USP31: variants seen among roughly 807,000 people sequenced by gnomAD.
The protein encoded by USP31 is ubiquitin specific peptidase 31.
A neutral mutation model predicts 119.4 loss-of-function variants in USP31; 44 were observed. That is an observed-to-expected ratio of 0.37 (90% CI 0.29 to 0.47). The LOEUF (loss-of-function observed/expected upper bound fraction) is 0.47, where lower values mean the gene tolerates loss of function less well. Ranked by LOEUF, USP31 falls within the 20% of genes least tolerant of loss-of-function variation. The probability of loss-of-function intolerance (pLI) is 0.99; values close to 1 mark genes in which losing one functional copy is unlikely to be tolerated. For synonymous variants in USP31, 749 were observed against 705.6 expected (o/e 1.06, Z -0.97); for missense variants, 1,643 against 1,730.2 (o/e 0.95, Z 0.89).
At chr16:23,122,138 C>T (rs1902691556) in intron 1 of USP31, among the ~76,000 whole-genome samples, 1 of 152,144 alleles carries the variant, frequency 6.6e-6, no homozygotes, top group Non-Finnish European at 1.5e-5. Context: ...CATATATTTT[C>T]CATGTTTTCT....
At chr16:23,069,854 T>C (rs1431367975) in intron 15 of USP31, among the ~76,000 whole-genome samples, 1 of 152,214 alleles carries the variant, frequency 6.6e-6, no homozygotes, top group Non-Finnish European at 1.5e-5. Context: ...AGCAAACTTC[T>C]ATTCGCCTCC....
At chr16:23,086,001 A>G (rs1356389035) in intron 9 of USP31, among the ~76,000 whole-genome samples, 2 of 152,046 alleles carry the variant, frequency 1.3e-5, no homozygotes, top group Non-Finnish European at 2.9e-5. Context: ...ACCCACCCAA[A>G]CAGACACTGG....
chr16:23,129,816 A>T (rs1399284440), intron 1 of USP31, among the ~76,000 whole-genome samples: 2 of 152,150 alleles, frequency 1.3e-5, no homozygotes, highest in Non-Finnish European at 2.9e-5. Flanking sequence ...GGGTTAGGGG[A>T]ACTTTAATGT....
At position 23,068,409 on chromosome 16, in the gene USP31, G is replaced by A; in HGVS notation, c.3696C>T (p.Ala1232=). 1 of 1,613,860 alleles carries A rather than the reference G, an allele frequency of 6.2e-7. No homozygotes were observed. The highest frequency in any genetic ancestry group is 2.2e-5 in the East Asian group (1 of 44,876). ...EDKGLSFFKS[A]LRQKETRRST... ...AGCGCCGGGTTTCCTTCTGTCTCAA[G>A]GCTGATTTGAAGAAGGACAGCCCCT... Residue 1232 remains alanine (A), a synonymous_variant, in exon 16 of 16, where the codon GCC becomes GCT. Coordinates refer to ENST00000219689, the MANE Select transcript of USP31 (RefSeq NM_020718.4).
chr16:23,125,090 G>C lies in USP31; in HGVS notation c.634-16907C>G, dbSNP rs979287250. 7.2e-5 allele frequency among the ~76,000 whole-genome samples: 11 copies of C among 152,274 alleles called. No homozygotes were observed. The East Asian group carries it at 1.2e-3, about 16-fold the overall frequency. ...CATCCCTTTCTTATGTCCCAGACCTGCTGTCACAGGCTGGGTTGGTTGGTG... is the reference window on the plus strand; with the variant it reads ...CATCCCTTTCTTATGTCCCAGACCTCCTGTCACAGGCTGGGTTGGTTGGTG... On this transcript the variant is annotated intron_variant, in intron 1 of 15. Transcript: ENST00000219689.
At chr16:23,108,248 T>C in intron 1 of USP31, 65 bp from the exon 2 acceptor site, 1 of 1,526,708 alleles carries the variant, frequency 6.6e-7, no homozygotes, top group Non-Finnish European at 8.8e-7. Context: ...AAACTATTTA[T>C]TCATAATCGC....
chr16:23,133,166 G>A (rs1397379886), intron 1 of USP31, among the ~76,000 whole-genome samples: 5 of 152,040 alleles, frequency 3.3e-5, no homozygotes, highest in African/African-American at 1.2e-4. Context: ...TCCTGTATAC[G>A]AGGCCCGCCA....
intron 1 of USP31, among the ~76,000 whole-genome samples, chr16:23,141,506 T>C (rs892904782): frequency 6.6e-6 from 1 of 152,062 alleles, no homozygotes; most frequent in Non-Finnish European, 1.5e-5. Context: ...GCCTCCGAAG[T>C]AGCTGGAACC....
chr16:23,103,818 G>A (rs967643732), intron 5 of USP31, among the ~76,000 whole-genome samples: 1 of 152,132 alleles, frequency 6.6e-6, no homozygotes. Context: ...GGGAAGCTGA[G>A]GTGGGAGGAC....
intron 15 of USP31, among the ~76,000 whole-genome samples, chr16:23,071,675 CA>C (rs1900351729): frequency 6.6e-6 from 1 of 151,758 alleles, no homozygotes. Context: ...GCCGACTCCC[CA>C]CCACGTGGCC....
At chr16:23,113,528 G>A (rs149261896) in intron 1 of USP31, among the ~76,000 whole-genome samples, 102 of 152,260 alleles carry the variant, frequency 6.7e-4, no homozygotes, top group Admixed American at 1.2e-3. Context: ...GAAAACTACC[G>A]CAGAAAAGGC....
In USP31 at chr16:23,124,717, C is replaced by T. The variant is rs1902790366; in HGVS notation, c.634-16534G>A. On this transcript the variant is annotated intron_variant, in intron 1 of 15. Coordinates refer to ENST00000219689, the MANE Select transcript of USP31 (RefSeq NM_020718.4). ...CAGCCTAGCCAACATGGTGAAACCC[C>T]ATCTCTGCTAAAAATACAAAAATTA... Among the ~76,000 whole-genome samples the T allele has an allele frequency of 2.6e-5, 4 of 152,096 alleles. No individual in the cohort carries two copies. The South Asian group carries it at 8.3e-4, about 32-fold the overall frequency.
At chr16:23,138,414 G>C (rs1454610153) in intron 1 of USP31, among the ~76,000 whole-genome samples, 1 of 152,094 alleles carries the variant, frequency 6.6e-6, no homozygotes, top group Non-Finnish European at 1.5e-5. Flanking sequence ...CCTGAACCAG[G>C]TTCTGTCCCT....
chr16:23,080,429 C>T (rs1234533399), intron 12 of USP31, among the ~76,000 whole-genome samples: 1 of 152,050 alleles, frequency 6.6e-6, no homozygotes, highest in Non-Finnish European at 1.5e-5. Context: ...CTTTCCTTAT[C>T]TGTTAAAGGG....
intron 7 of USP31, among the ~76,000 whole-genome samples, chr16:23,089,295 T>C (rs28620406): frequency 0.27 from 41,661 of 151,994 alleles, 6,155 homozygotes; most frequent in Admixed American, 0.35. Flanking sequence ...TTCCTAATGT[T>C]GTCTTGCCAG....
chr16:23,092,541 G>C (rs921808166), intron 6 of USP31, among the ~76,000 whole-genome samples: 4 of 152,156 alleles, frequency 2.6e-5, no homozygotes, highest in African/African-American at 9.7e-5. Flanking sequence ...AAGAGCAGGA[G>C]TTCGCCAGCC....
intron 1 of USP31, among the ~76,000 whole-genome samples, 181 bp downstream of exon 1, chr16:23,148,457 G>A (rs189944605): frequency 1.3e-5 from 2 of 152,342 alleles, no homozygotes; most frequent in African/African-American, 4.8e-5. Context: ...GTGAGTGAGT[G>A]AGTGAATAAA....
At chr16:23,145,075 T>C (rs1404493524) in intron 1 of USP31, among the ~76,000 whole-genome samples, 1 of 152,128 alleles carries the variant, frequency 6.6e-6, no homozygotes, top group Non-Finnish European at 1.5e-5. Flanking sequence ...AGCCACTAAA[T>C]GTCTATTCCC....
intron 7 of USP31, among the ~76,000 whole-genome samples, chr16:23,088,391 G>A (rs1179151304): frequency 6.6e-6 from 1 of 152,130 alleles, no homozygotes; most frequent in East Asian, 1.9e-4. Context: ...AAATAATGAT[G>A]CCCAAGTCCA....
Sources: allele counts gnomAD v4.1 joint callset (sites outside exome capture counted in the v4.1 genomes callset), GRCh38; gene constraint gnomAD v4.1.1; transcripts MANE v1.5; gene names NCBI Gene and HGNC (gene_info 2026-07-23, HGNC 2026-07-21).